SENP7: variants seen among roughly 807,000 people sequenced by gnomAD.
SENP7 encodes SUMO specific peptidase 7.
In SENP7, 64 loss-of-function variants were observed where a neutral mutation model predicts 141.2. The ratio of observed to expected loss-of-function variants is 0.45; its 90% CI spans 0.37 to 0.56. SENP7 has a LOEUF of 0.56. Among genes scored for constraint, SENP7 ranks in the 20% least tolerant of loss-of-function variants. The pLI, the probability that SENP7 is intolerant of heterozygous loss-of-function variation, is 0.00. For synonymous variants in SENP7, 382 were observed against 426.4 expected, an observed-to-expected ratio of 0.90 and a Z score of 1.28; for missense variants, 1,025 against 1,212.2, an observed-to-expected ratio of 0.85 and a Z score of 2.29.
intron 5 of SENP7, among the ~76,000 whole-genome samples, chr3:101,406,477 A>G (rs2061310302): frequency 6.6e-6 from 1 of 152,046 alleles, no homozygotes; most frequent in African/African-American, 2.4e-5. Flanking sequence ...AGATATATCT[A>G]ATGTAAATGA....
intron 5 of SENP7, among the ~76,000 whole-genome samples, chr3:101,415,410 C>T (rs2061585387): frequency 6.6e-6 from 1 of 151,890 alleles, no homozygotes; most frequent in Admixed American, 6.6e-5. Context: ...AATGACAGGA[C>T]AATCTTGCAG....
chr3:101,355,055 CT>C (rs2107297985), intron 11 of SENP7, among the ~76,000 whole-genome samples: 1 of 152,176 alleles, frequency 6.6e-6, no homozygotes, highest in Admixed American at 6.5e-5. Context: ...CCCTTGTCCA[CT>C]TTTTCATAGG....
chr3:101,350,516 C>T (rs1253237927), intron 12 of SENP7, among the ~76,000 whole-genome samples: 1 of 151,974 alleles, frequency 6.6e-6, no homozygotes, highest in African/African-American at 2.4e-5. Flanking sequence ...AATTATAAAC[C>T]TATTATCACT....
Position 101,398,872 on chromosome 3 carries a change from A to G in SENP7, c.666T>C (p.Tyr222=), listed in dbSNP as rs2061050060. 1 of 1,593,086 alleles carries G rather than the reference A, an allele frequency of 6.3e-7. No homozygotes were observed. Among genetic ancestry groups the G allele is most frequent in the Non-Finnish European group, 8.6e-7 (1 of 1,169,446 alleles). The change falls in exon 6 of 24, where the codon TAT becomes TAC. Residue 222 remains tyrosine (Y), a synonymous_variant. Transcript: ENST00000394095. The stretch of plus-strand genomic sequence containing the variant: ...ATCACTAAACATACCTTTCAGATAA[A>G]TAACAGCTCTTGTGAGGGTTTAGAT... ...YQNLNPHKSC[Y]LSERGSQRSK...
At chr3:101,419,317 T>C (rs779114011) in intron 4 of SENP7, among the ~76,000 whole-genome samples, 1 of 152,220 alleles carries the variant, frequency 6.6e-6, no homozygotes, top group Non-Finnish European at 1.5e-5. Flanking sequence ...ATTAAGGATG[T>C]GAGACTTTAT....
At chr3:101,355,095 C>T (rs1229123099) in intron 11 of SENP7, among the ~76,000 whole-genome samples, 1 of 151,922 alleles carries the variant, frequency 6.6e-6, no homozygotes, top group Non-Finnish European at 1.5e-5. Flanking sequence ...ATTTAAGTTC[C>T]TTATAGATGC....
Position 101,418,304 on chromosome 3 carries a change from T to C in SENP7, c.285-514A>G, listed in dbSNP as rs1009286044. 6.6e-5 allele frequency among the ~76,000 whole-genome samples: 10 copies of C among 151,948 alleles called. No individual in the cohort carries two copies. The East Asian group carries it at 1.9e-3, about 29-fold the overall frequency. On this transcript the variant is annotated intron_variant, in intron 4 of 23. Coordinates refer to ENST00000394095, the MANE Select transcript of SENP7 (RefSeq NM_020654.5). ...GGTCAACTTAAAAAATTTACCTTAC[T>C]GTACCTATACCAATTTCAAAAAAAA...
intron 11 of SENP7, chr3:101,357,946 C>A: frequency 1.5e-6 from 1 of 687,330 alleles, no homozygotes; most frequent in Non-Finnish European, 2.3e-6. Flanking sequence ...GAGAACGTGG[C>A]AAAGCTTTTA....
At chr3:101,450,389 C>T (rs1254106757) in intron 4 of SENP7, among the ~76,000 whole-genome samples, 1 of 152,188 alleles carries the variant, frequency 6.6e-6, no homozygotes, top group South Asian at 2.1e-4. Flanking sequence ...GAACTCTCCA[C>T]CCCCAATCAA....
chr3:101,463,373 A>ATG (rs1466974630), intron 3 of SENP7, among the ~76,000 whole-genome samples: 1 of 86,612 alleles, frequency 1.2e-5, no homozygotes. Flanking sequence ...AAATATATAT[A>ATG]TATATATATA....
At chr3:101,441,675 C>G (rs1421013471) in intron 4 of SENP7, among the ~76,000 whole-genome samples, 1 of 152,152 alleles carries the variant, frequency 6.6e-6, no homozygotes. Context: ...GACCCAAGAA[C>G]TGACCTGCCT....
chr3:101,462,402 G>A (rs149062678), intron 3 of SENP7, among the ~76,000 whole-genome samples: 28 of 152,114 alleles, frequency 1.8e-4, no homozygotes, highest in African/African-American at 5.5e-4. Context: ...TTAGCCAGGC[G>A]TGGTGGCACA....
chr3:101,480,455 A>C (rs900821056), intron 3 of SENP7, among the ~76,000 whole-genome samples: 2 of 152,178 alleles, frequency 1.3e-5, no homozygotes, highest in African/African-American at 4.8e-5. Flanking sequence ...TGCTGAGAAA[A>C]CAGGATATCC....
At chr3:101,414,122 A>C in intron 5 of SENP7, 1 of 445,828 alleles carries the variant, frequency 2.2e-6, no homozygotes, top group South Asian at 3.7e-5. Context: ...GAACTGATGC[A>C]CTGGCAATAA....
chr3:101,506,168 G>A (rs757872451), intron 1 of SENP7, among the ~76,000 whole-genome samples: 42 of 152,194 alleles, frequency 2.8e-4, no homozygotes, highest in Non-Finnish European at 5.1e-4. Context: ...CTACAGGCAG[G>A]AAGCACCATG....
intron 4 of SENP7, among the ~76,000 whole-genome samples, chr3:101,442,410 GCA>G (rs2107780856): frequency 6.6e-6 from 1 of 152,232 alleles, no homozygotes; most frequent in African/African-American, 2.4e-5. Context: ...TAGGTCGCCT[GCA>G]TGCACAGTTC....
intron 11 of SENP7, among the ~76,000 whole-genome samples, chr3:101,352,907 C>T (rs1326105714): frequency 6.6e-6 from 1 of 151,876 alleles, no homozygotes; most frequent in African/African-American, 2.4e-5. Context: ...GCCATGAAAA[C>T]CAAATGTGAG....
In SENP7 at chr3:101,343,948, G is replaced by C. The variant is rs1576016692; in HGVS notation, c.1844C>G (p.Ser615Cys). ...EHSVLSQQSK[S>C]SEFIFLELHN... ...TAGTTCAAGGAAAATGAATTCACTA[G>C]ATTTTGCTACAAAAGGAAAAAATAA... is the stretch of plus-strand genomic sequence containing the variant. Residue 615 changes from serine to cysteine, a missense_variant, in exon 14 of 24, where the codon TCT becomes TGT. Physicochemically the swap from Ser to Cys is moderately radical, Grantham distance 112. Coordinates refer to ENST00000394095, the MANE Select transcript of SENP7 (RefSeq NM_020654.5). 1 of 1,557,894 alleles carries C rather than the reference G, an allele frequency of 6.4e-7. No individual in the cohort carries two copies. The highest frequency in any genetic ancestry group is 2.3e-5 in the East Asian group (1 of 43,918).
At chr3:101,425,503 T>C (rs989219933) in intron 4 of SENP7, among the ~76,000 whole-genome samples, 2 of 152,148 alleles carry the variant, frequency 1.3e-5, no homozygotes, top group African/African-American at 2.4e-5. Flanking sequence ...AGAAAAAGAC[T>C]CTACCCAAAG....
Sources: allele counts gnomAD v4.1 joint callset (sites outside exome capture counted in the v4.1 genomes callset), GRCh38; gene constraint gnomAD v4.1.1; transcripts MANE v1.5; gene names NCBI Gene and HGNC (gene_info 2026-07-23, HGNC 2026-07-21).